DRC11: variants seen among roughly 807,000 people sequenced by gnomAD.
The protein encoded by DRC11 is dynein regulatory complex subunit 11.
chr2:236,492,582 C>A, the DRC11 span, among the ~76,000 whole-genome samples: 1 of 152,224 alleles, frequency 6.6e-6, no homozygotes, highest in Non-Finnish European at 1.5e-5. Flanking sequence ...ACTCATAGTG[C>A]CCCTTTCACC....
chr2:236,336,166 G>T, the DRC11 span, among the ~76,000 whole-genome samples: 1 of 152,170 alleles, frequency 6.6e-6, no homozygotes, highest in African/African-American at 2.4e-5. The surrounding 1 kb of genome is among the most constrained non-coding windows in gnomAD (Gnocchi z 7.3). Flanking sequence ...CACTGATTTA[G>T]AAAGCCAGGA....
chr2:236,318,274 C>T, the DRC11 span, among the ~76,000 whole-genome samples: 1 of 152,204 alleles, frequency 6.6e-6, no homozygotes, highest in Non-Finnish European at 1.5e-5. The surrounding 1 kb of genome is among the most constrained non-coding windows in gnomAD (Gnocchi z 7.0). Flanking sequence ...CATCCCAGCA[C>T]CTGCCAGACC....
At chr2:236,491,094 C>CTG in the DRC11 span, among the ~76,000 whole-genome samples, 11 of 122,862 alleles carry the variant, frequency 9.0e-5, no homozygotes, top group African/African-American at 2.2e-4. Flanking sequence ...AATATATACT[C>CTG]TGTGTGTGTG....
the DRC11 span, among the ~76,000 whole-genome samples, chr2:236,358,221 A>T: frequency 3.9e-5 from 5 of 129,492 alleles, no homozygotes; most frequent in Non-Finnish European, 7.7e-5. Context: ...AATATATTAT[A>T]TACTGTATGA....
At chr2:236,322,498 G>A in the DRC11 span, among the ~76,000 whole-genome samples, 5 of 151,748 alleles carry the variant, frequency 3.3e-5, no homozygotes, top group Non-Finnish European at 4.4e-5. Context: ...CACCCGCCTC[G>A]GCCTCCCAAA....
chr2:236,445,235 C>T, the DRC11 span, among the ~76,000 whole-genome samples: 21 of 152,060 alleles, frequency 1.4e-4, no homozygotes, highest in Admixed American at 9.8e-4. The surrounding 1 kb of genome is among the most constrained non-coding windows in gnomAD (Gnocchi z 4.8). Flanking sequence ...TCATTTCTAA[C>T]GTGGAATTCT....
the DRC11 span, among the ~76,000 whole-genome samples, chr2:236,388,936 A>G: frequency 3.3e-5 from 5 of 152,198 alleles, no homozygotes; most frequent in African/African-American, 7.2e-5. Context: ...AGGTGTCAGT[A>G]TGCCCCTGCT....
the DRC11 span, among the ~76,000 whole-genome samples, chr2:236,311,124 C>T: frequency 6.6e-6 from 1 of 152,206 alleles, no homozygotes. The surrounding 1 kb of genome is among the most constrained non-coding windows in gnomAD (Gnocchi z 6.9). Context: ...CTGCACAGCC[C>T]CCAGGTGTGT....
the DRC11 span, among the ~76,000 whole-genome samples, chr2:236,459,689 A>ATATACG: frequency 1.7e-4 from 22 of 129,086 alleles, no homozygotes; most frequent in African/African-American, 6.4e-4. Context: ...ATGTATATAC[A>ATATACG]TATATACATA....
chr2:236,347,644 G>C, the DRC11 span, among the ~76,000 whole-genome samples: 1 of 151,636 alleles, frequency 6.6e-6, no homozygotes, highest in Non-Finnish European at 1.5e-5. Context: ...ACCAAACATC[G>C]TACGTTCTCA....
At chr2:236,310,122 G>C in the DRC11 span, among the ~76,000 whole-genome samples, 1 of 152,194 alleles carries the variant, frequency 6.6e-6, no homozygotes, top group African/African-American at 2.4e-5. The surrounding 1 kb of genome is among the most constrained non-coding windows in gnomAD (Gnocchi z 5.5). Flanking sequence ...CTAAGCCTAG[G>C]AGGACAGGCC....
chr2:236,396,325 T>G, the DRC11 span, among the ~76,000 whole-genome samples: 3 of 150,458 alleles, frequency 2.0e-5, no homozygotes, highest in Non-Finnish European at 4.4e-5. Flanking sequence ...ATCTTAGTGA[T>G]TAAAATGCTA....
chr2:236,494,033 G>T, the DRC11 span: 7 of 608,726 alleles, frequency 1.1e-5, no homozygotes, highest in Admixed American at 7.6e-5. This position sits in a 1 kb window ranked among gnomAD's most constrained non-coding sequence, Gnocchi z 4.2. Flanking sequence ...TGAGGCCAGC[G>T]GAGTGAGGAG....
the DRC11 span, among the ~76,000 whole-genome samples, chr2:236,327,298 C>A: frequency 2.6e-5 from 4 of 152,150 alleles, no homozygotes; most frequent in Non-Finnish European, 5.9e-5. Context: ...GTTCTGTCAC[C>A]CAGGCTGGAG....
At chr2:236,358,541 G>A in the DRC11 span, among the ~76,000 whole-genome samples, 1 of 144,778 alleles carries the variant, frequency 6.9e-6, no homozygotes, top group African/African-American at 2.5e-5. Flanking sequence ...CAGGGCTGTT[G>A]CCTACCACCC....
At chr2:236,326,793 TGTGTG>T in the DRC11 span, among the ~76,000 whole-genome samples, 51 of 7,264 alleles carry the variant, frequency 7.0e-3, no homozygotes, top group Non-Finnish European at 0.013. Context: ...TCAGATTTGT[TGTGTG>T]TGTGTGTGTG....
chr2:236,381,655 G>A, the DRC11 span, among the ~76,000 whole-genome samples: 1 of 152,170 alleles, frequency 6.6e-6, no homozygotes, highest in Non-Finnish European at 1.5e-5. This position sits in a 1 kb window ranked among gnomAD's most constrained non-coding sequence, Gnocchi z 5.8. Context: ...GTTCCCAAGG[G>A]GCTTTGCACT....
the DRC11 span, among the ~76,000 whole-genome samples, chr2:236,463,593 T>C: frequency 6.6e-6 from 1 of 152,290 alleles, no homozygotes; most frequent in Admixed American, 6.5e-5. This position sits in a 1 kb window ranked among gnomAD's most constrained non-coding sequence, Gnocchi z 5.0. Context: ...TGATATAAAA[T>C]TGAAGTATTA....
At chr2:236,380,583 A>T in the DRC11 span, 1 of 1,551,596 alleles carries the variant, frequency 6.4e-7, no homozygotes, top group Non-Finnish European at 8.7e-7. The surrounding 1 kb of genome is among the most constrained non-coding windows in gnomAD (Gnocchi z 4.9). Context: ...CAGCTGTCAG[A>T]TCTTTATCCT....
Sources: gnomAD v4.1 joint callset for allele counts (sites outside exome capture counted in the v4.1 genomes callset) on GRCh38, gnomAD v4.1.1 for gene constraint, Gnocchi (gnomAD v3.1) non-coding constraint, MANE v1.5 for transcripts, NCBI Gene and HGNC (gene_info 2026-07-23, HGNC 2026-07-21) for gene names.